NDUFS4: variants seen among roughly 807,000 people sequenced by gnomAD.
NDUFS4 encodes the protein NADH dehydrogenase [ubiquinone] iron-sulfur protein 4, mitochondrial.
Under a neutral mutation model 24.3 loss-of-function variants are expected in NDUFS4, and 28 were observed. That is an observed-to-expected ratio of 1.15 (90% CI 0.85 to 1.58). The LOEUF (loss-of-function observed/expected upper bound fraction) is 1.58. Ranked by LOEUF, NDUFS4 falls within the 40% of genes most tolerant of loss-of-function variation. The pLI, the probability that NDUFS4 is intolerant of heterozygous loss-of-function variation, is 0.00. For missense variants in NDUFS4, 223 were observed against 207.9 expected, an observed-to-expected ratio of 1.07 and a Z score of -0.45; for synonymous variants, 93 against 69.7, an observed-to-expected ratio of 1.34 and a Z score of -1.67.
chr5:53,571,601 C>CA (rs1415639941), intron 1 of NDUFS4, among the ~76,000 whole-genome samples: 3 of 152,142 alleles, frequency 2.0e-5, no homozygotes, highest in Admixed American at 1.3e-4. Flanking sequence ...GAGTAACTGT[C>CA]AGACTGTTTT....
intron 4 of NDUFS4, among the ~76,000 whole-genome samples, chr5:53,672,120 G>A (rs1395555737): frequency 6.6e-6 from 1 of 151,968 alleles, no homozygotes; most frequent in Non-Finnish European, 1.5e-5. Context: ...ATGTAGCTTA[G>A]TACTTAGAAT....
chr5:53,563,977 A>C (rs1003737230), intron 1 of NDUFS4, among the ~76,000 whole-genome samples: 3 of 152,218 alleles, frequency 2.0e-5, no homozygotes, highest in Non-Finnish European at 2.9e-5. Context: ...AAGTGTGTTC[A>C]TGTATACTTA....
At chr5:53,680,278 G>T (rs551557873) in intron 4 of NDUFS4, among the ~76,000 whole-genome samples, 35 of 152,226 alleles carry the variant, frequency 2.3e-4, no homozygotes, top group African/African-American at 7.2e-4. Flanking sequence ...ATACATTTCA[G>T]TGTGGCGATT....
At chr5:53,631,184 C>G (rs1228311828) in intron 2 of NDUFS4, among the ~76,000 whole-genome samples, 1 of 152,178 alleles carries the variant, frequency 6.6e-6, no homozygotes, top group African/African-American at 2.4e-5. Context: ...CCACTCCAGA[C>G]CCTGTCTGCT....
chr5:53,603,474 A>C lies in NDUFS4; in HGVS notation c.121A>C (p.Arg41=), dbSNP rs1003288416. The C allele has an allele frequency of 6.2e-7, 1 of 1,613,740 alleles. No homozygotes were observed. The highest frequency in any genetic ancestry group is 8.5e-7 in the Non-Finnish European group (1 of 1,179,938). The stretch of plus-strand genomic sequence containing the variant: ...CAGGTCGTTGAGGACTTCCACATGG[A>C]GATTGGCACAGGACCAGACTCAAGA... ...PTRSLRTSTW[R]LAQDQTQDTQ... Residue 41 remains arginine (R), a synonymous_variant, in exon 2 of 5, where the codon AGA becomes CGA. Transcript: ENST00000296684.
At position 53,618,026 on chromosome 5, in the gene NDUFS4, C is replaced by T. The variant is rs968695412; in HGVS notation, c.177+14496C>T. On this transcript the variant is annotated intron_variant, in intron 2 of 4. Transcript: ENST00000296684. ...ATGCAGTGGCTCACAACTGTAACCC[C>T]AGCACTTTAGGAGGCCTAGTTGTGA... Among the ~76,000 whole-genome samples, 7 of 152,194 alleles carry T rather than the reference C, an allele frequency of 4.6e-5. No homozygotes were observed. The East Asian group carries it at 7.7e-4, about 17-fold the overall frequency.
intron 1 of NDUFS4, among the ~76,000 whole-genome samples, chr5:53,595,581 CT>C (rs1750110457): frequency 6.6e-6 from 1 of 152,158 alleles, no homozygotes; most frequent in African/African-American, 2.4e-5. Flanking sequence ...TAACCTGTTG[CT>C]ATAAATGTAG....
At chr5:53,657,921 T>C (rs1752210814) in intron 3 of NDUFS4, among the ~76,000 whole-genome samples, 1 of 110,646 alleles carries the variant, frequency 9.0e-6, no homozygotes, top group Non-Finnish European at 1.8e-5. Flanking sequence ...TGAGAGTCCA[T>C]CTCAAAAAAA....
At chr5:53,609,321 A>G (rs535295140) in intron 2 of NDUFS4, among the ~76,000 whole-genome samples, 1 of 152,310 alleles carries the variant, frequency 6.6e-6, no homozygotes, top group African/African-American at 2.4e-5. Flanking sequence ...CAGGCATGAA[A>G]GCGACACCCT....
rs148860848 is a variant in NDUFS4 at position 53,646,152 on chromosome 5, A to G, written c.178-81A>G. The G allele has an allele frequency of 5.7e-4, 656 of 1,151,878 alleles. 2 individuals carry two copies. In the African/African-American group the frequency reaches 9.1e-3, roughly 16 times the overall value. 71.4% of individuals were successfully genotyped at this position (1,151,878 alleles called of 1,614,324 possible). Reference sequence around the variant, plus strand: ...TATGAACAAATCTGAATAGAGTTGCATGAATATAGGAAACAACAAAAGTAC... The same window carrying G: ...TATGAACAAATCTGAATAGAGTTGCGTGAATATAGGAAACAACAAAAGTAC... On this transcript the variant is annotated intron_variant, in intron 2 of 4. Coordinates refer to ENST00000296684, the MANE Select transcript of NDUFS4 (RefSeq NM_002495.4).
chr5:53,618,802 C>G (rs551640735), intron 2 of NDUFS4, among the ~76,000 whole-genome samples: 2 of 152,134 alleles, frequency 1.3e-5, no homozygotes, highest in South Asian at 4.2e-4. Context: ...GGTCATTAAA[C>G]CCTGTGTAAT....
chr5:53,605,811 G>A (rs1301803022), intron 2 of NDUFS4, among the ~76,000 whole-genome samples: 1 of 151,992 alleles, frequency 6.6e-6, no homozygotes, highest in Non-Finnish European at 1.5e-5. Flanking sequence ...TCAGGAGATC[G>A]AGACCATCCT....
chr5:53,677,020 C>A (rs1740496367), intron 4 of NDUFS4, among the ~76,000 whole-genome samples: 1 of 152,040 alleles, frequency 6.6e-6, no homozygotes, highest in Admixed American at 6.6e-5. Context: ...GAGTAGCTTG[C>A]AAATCTCTGG....
At chr5:53,594,485 A>G (rs904229691) in intron 1 of NDUFS4, among the ~76,000 whole-genome samples, 8 of 152,086 alleles carry the variant, frequency 5.3e-5, no homozygotes, top group Admixed American at 1.3e-4. Flanking sequence ...CTACTCCGAT[A>G]ACTCTCTTTT....
intron 2 of NDUFS4, among the ~76,000 whole-genome samples, chr5:53,631,973 G>A (rs1223566684): frequency 3.3e-5 from 5 of 152,242 alleles, no homozygotes; most frequent in South Asian, 2.1e-4. Context: ...GAAATTCCCC[G>A]ACCCCTTGCA....
At chr5:53,621,160 C>G (rs561532947) in intron 2 of NDUFS4, among the ~76,000 whole-genome samples, 4 of 152,184 alleles carry the variant, frequency 2.6e-5, no homozygotes, top group Middle Eastern at 6.8e-3. Context: ...GTTGTGTGTT[C>G]TTGATAAGTT....
chr5:53,650,008 A>T (rs146668102), intron 3 of NDUFS4, among the ~76,000 whole-genome samples: 241 of 152,260 alleles, frequency 1.6e-3, no homozygotes, highest in African/African-American at 5.2e-3. Flanking sequence ...TAATATATAG[A>T]GTCATTTTGT....
intron 4 of NDUFS4, among the ~76,000 whole-genome samples, chr5:53,674,155 G>A (rs1362285148): frequency 6.6e-6 from 1 of 152,164 alleles, no homozygotes; most frequent in Non-Finnish European, 1.5e-5. Flanking sequence ...GAATACTTGT[G>A]TATTTTATGC....
At chr5:53,608,092 G>A (rs372370) in intron 2 of NDUFS4, among the ~76,000 whole-genome samples, 54,631 of 151,964 alleles carry the variant, frequency 0.36, 10,932 homozygotes, top group African/African-American at 0.55. Context: ...TTAAGCAAAT[G>A]CCACAATAAA....
Sources: allele counts gnomAD v4.1 joint callset (sites outside exome capture counted in the v4.1 genomes callset), GRCh38; gene constraint gnomAD v4.1.1; transcripts MANE v1.5; gene names NCBI Gene and HGNC (gene_info 2026-07-23, HGNC 2026-07-21).